CLSTN2: variants seen among roughly 807,000 people sequenced by gnomAD.
The protein encoded by CLSTN2 is calsyntenin 2.
In CLSTN2, 48 loss-of-function variants were observed where a neutral mutation model predicts 101.2. That is an observed-to-expected ratio of 0.47 (90% CI 0.38 to 0.60). The LOEUF (loss-of-function observed/expected upper bound fraction) is 0.60. Among genes scored for constraint, CLSTN2 ranks in the 20% least tolerant of loss-of-function variants. CLSTN2 has a pLI of 0.00. For synonymous variants in CLSTN2, 481 were observed against 463.6 expected (o/e 1.04, Z -0.48); for missense variants, 1,160 against 1,238.2 (o/e 0.94, Z 0.95).
intron 2 of CLSTN2, among the ~76,000 whole-genome samples, chr3:140,280,323 G>A (rs781761841): frequency 3.9e-5 from 6 of 152,106 alleles, no homozygotes; most frequent in Non-Finnish European, 8.8e-5. Context: ...GGTCTTTTTT[G>A]TGCAGAATCA....
chr3:140,180,140 T>C (rs961375977), intron 2 of CLSTN2, among the ~76,000 whole-genome samples: 6 of 152,210 alleles, frequency 3.9e-5, no homozygotes, highest in African/African-American at 1.4e-4. Context: ...ATTCAAGATA[T>C]AGGAGAAGTT....
At chr3:140,561,264 A>T (rs115412284) in intron 12 of CLSTN2, among the ~76,000 whole-genome samples, 2 of 152,174 alleles carry the variant, frequency 1.3e-5, no homozygotes, top group Non-Finnish European at 2.9e-5. Context: ...TGGGGATAGT[A>T]ATAGTACCCC....
At position 140,570,915 on chromosome 3, in the gene CLSTN2, C is replaced by G. The variant is rs1985518129; in HGVS notation, c.*4662C>G. 2 of 152,184 alleles carry G rather than the reference C, an allele frequency of 1.3e-5. No individual in the cohort carries two copies. The highest frequency in any genetic ancestry group is 4.8e-5 in the African/African-American group (2 of 41,440). 9.4% of individuals were successfully genotyped at this position (152,184 alleles called of 1,614,324 possible). A position where few individuals can be genotyped will look rare whatever the true frequency, so the allele number is the denominator to read the frequency against. On this transcript the variant is annotated 3_prime_UTR_variant, in exon 17 of 17. Coordinates refer to ENST00000458420, the MANE Select transcript of CLSTN2 (RefSeq NM_022131.3). ...TAGTCTTTGCCTCCAAACTGAACAA[C>G]AGGAAAAAGTGCCATAGTTTTTAAT...
intron 2 of CLSTN2, among the ~76,000 whole-genome samples, chr3:140,275,753 ACACT>A (rs1171231127): frequency 1.3e-5 from 2 of 152,122 alleles, no homozygotes; most frequent in Non-Finnish European, 2.9e-5. Context: ...CACTCCCTTG[ACACT>A]CACCTCCAGC....
At chr3:140,281,757 AGAGAGC>A (rs1364322589) in intron 2 of CLSTN2, among the ~76,000 whole-genome samples, 1 of 22,814 alleles carries the variant, frequency 4.4e-5, no homozygotes, top group African/African-American at 6.6e-5. Flanking sequence ...ACTGTCAGAG[AGAGAGC>A]GAGAGAGAGA....
intron 1 of CLSTN2, among the ~76,000 whole-genome samples, chr3:140,007,555 C>T (rs1032922018): frequency 1.3e-5 from 2 of 152,186 alleles, no homozygotes; most frequent in Non-Finnish European, 2.9e-5. Context: ...TTCATCTGTG[C>T]TTCCAGCAGT....
chr3:140,280,509 A>G (rs955292875), intron 2 of CLSTN2, among the ~76,000 whole-genome samples: 1 of 152,218 alleles, frequency 6.6e-6, no homozygotes, highest in Non-Finnish European at 1.5e-5. Context: ...CACTTCGGAC[A>G]GTGAGGAAAG....
chr3:140,408,244 G>T (rs1291162030), intron 4 of CLSTN2, among the ~76,000 whole-genome samples: 1 of 152,154 alleles, frequency 6.6e-6, no homozygotes, highest in Non-Finnish European at 1.5e-5. Context: ...AGGATAACAG[G>T]ATGAACAATC....
chr3:140,245,148 G>T (rs2086504849), intron 2 of CLSTN2, among the ~76,000 whole-genome samples: 1 of 152,186 alleles, frequency 6.6e-6, no homozygotes. Flanking sequence ...ACGTGTTCCA[G>T]GGCTGGCAAT....
intron 1 of CLSTN2, among the ~76,000 whole-genome samples, chr3:140,155,600 T>A (rs545018819): frequency 3.9e-5 from 6 of 152,230 alleles, no homozygotes; most frequent in Non-Finnish European, 8.8e-5. Flanking sequence ...TTGTCTTGGC[T>A]GTCTCCCAAA....
chr3:140,032,597 A>G (rs2007576595), intron 1 of CLSTN2, among the ~76,000 whole-genome samples: 1 of 151,956 alleles, frequency 6.6e-6, no homozygotes, highest in African/African-American at 2.4e-5. Context: ...TCGGGCTCCC[A>G]AAGTGCTGGG....
intron 1 of CLSTN2, among the ~76,000 whole-genome samples, chr3:140,136,829 T>C (rs1322971098): frequency 7.9e-5 from 12 of 152,052 alleles, no homozygotes. Flanking sequence ...GAGGGGGTGA[T>C]GTGGATGGAT....
At chr3:140,054,320 C>T (rs1445015412) in intron 1 of CLSTN2, among the ~76,000 whole-genome samples, 1 of 152,120 alleles carries the variant, frequency 6.6e-6, no homozygotes, top group Non-Finnish European at 1.5e-5. Flanking sequence ...GTAACAGGCA[C>T]TTTTTTTCTC....
At chr3:139,998,304 T>A (rs1349548294) in intron 1 of CLSTN2, among the ~76,000 whole-genome samples, 2 of 146,912 alleles carry the variant, frequency 1.4e-5, no homozygotes, top group Non-Finnish European at 3.0e-5. Context: ...AGTTTTAAAT[T>A]GGGATAATGG....
intron 2 of CLSTN2, among the ~76,000 whole-genome samples, chr3:140,356,012 A>G (rs1456314959): frequency 2.0e-5 from 3 of 152,246 alleles, no homozygotes; most frequent in Non-Finnish European, 4.4e-5. Context: ...CTCAGGCATC[A>G]CCACTTCCTT....
chr3:140,058,607 T>C (rs1208101100), intron 1 of CLSTN2, among the ~76,000 whole-genome samples: 2 of 152,194 alleles, frequency 1.3e-5, no homozygotes, highest in Non-Finnish European at 2.9e-5. Flanking sequence ...TTTTGTCATC[T>C]ATTCAAAAGG....
intron 2 of CLSTN2, among the ~76,000 whole-genome samples, chr3:140,302,955 A>G (rs1275772931): frequency 6.6e-6 from 1 of 152,172 alleles, no homozygotes; most frequent in Non-Finnish European, 1.5e-5. Context: ...TTCCTCCGCC[A>G]TTGCTGAGTT....
At chr3:140,550,632 C>T (rs1209099647) in intron 10 of CLSTN2, among the ~76,000 whole-genome samples, 3 of 152,080 alleles carry the variant, frequency 2.0e-5, no homozygotes, top group Admixed American at 2.0e-4. Context: ...GGGTACTAGG[C>T]CCCATAGAGC....
At chr3:140,102,930 C>A (rs1336909130) in intron 1 of CLSTN2, among the ~76,000 whole-genome samples, 1 of 152,186 alleles carries the variant, frequency 6.6e-6, no homozygotes, top group African/African-American at 2.4e-5. Context: ...CCTCAGTTTT[C>A]TCAACCCTTC....
Sources: allele counts gnomAD v4.1 joint callset (sites outside exome capture counted in the v4.1 genomes callset), GRCh38; gene constraint gnomAD v4.1.1; transcripts MANE v1.5; gene names NCBI Gene and HGNC (gene_info 2026-07-23, HGNC 2026-07-21).